RAPH1: variants seen among roughly 807,000 people sequenced by gnomAD.
The protein encoded by RAPH1 is Ras association (RalGDS/AF-6) and pleckstrin homology domains 1.
A neutral mutation model predicts 88.1 loss-of-function variants in RAPH1; 18 were observed. The ratio of observed to expected loss-of-function variants is 0.20; its 90% CI spans 0.14 to 0.30. The LOEUF is 0.30. Ranked by LOEUF, RAPH1 falls within the 10% of genes least tolerant of loss-of-function variation. The pLI, the probability that RAPH1 is intolerant of heterozygous loss-of-function variation, is 1.00. For synonymous variants in RAPH1, 587 were observed against 559.0 expected, an observed-to-expected ratio of 1.05 and a Z score of -0.71; for missense variants, 1,448 against 1,543.2, an observed-to-expected ratio of 0.94 and a Z score of 1.03.
chr2:203,458,162 A>T (rs543353591), intron 7 of RAPH1, among the ~76,000 whole-genome samples: 13 of 152,082 alleles, frequency 8.5e-5, no homozygotes, highest in Non-Finnish European at 1.3e-4. Flanking sequence ...ACGAGGTCAG[A>T]AGTTCAAGAC....
At chr2:203,492,482 C>G (rs192026630) in intron 2 of RAPH1, among the ~76,000 whole-genome samples, 2 of 152,226 alleles carry the variant, frequency 1.3e-5, no homozygotes, top group African/African-American at 4.8e-5. Context: ...AATTGCAACC[C>G]AGCTACACTG....
chr2:203,451,510 C>T (rs530074145), intron 10 of RAPH1, among the ~76,000 whole-genome samples: 1 of 152,150 alleles, frequency 6.6e-6, no homozygotes, highest in African/African-American at 2.4e-5. Flanking sequence ...CTCCTTTTTT[C>T]CCCACAATAT....
intron 1 of RAPH1, among the ~76,000 whole-genome samples, chr2:203,522,301 A>G (rs1270232588): frequency 6.6e-6 from 1 of 152,236 alleles, no homozygotes; most frequent in East Asian, 1.9e-4. Context: ...ATATCATAAA[A>G]ATAAAGCTAT....
At position 203,463,794 on chromosome 2, in the gene RAPH1, A is replaced by C. The variant is rs759888800; in HGVS notation, c.733-1869T>G. ...AATAAACAAATAGCAGAATTATAAA[A>C]CATGTTTACGTTTTAAGATACAAAT... is the stretch of plus-strand genomic sequence containing the variant. On this transcript the variant is annotated intron_variant, in intron 4 of 13. Transcript: ENST00000319170. Among the ~76,000 whole-genome samples, 6 of 152,358 alleles carry C rather than the reference A, an allele frequency of 3.9e-5. No homozygotes were observed. The South Asian group carries it at 6.2e-4, about 16-fold the overall frequency.
intron 1 of RAPH1, chr2:203,533,580 C>T (rs1471634589): frequency 6.6e-6 from 1 of 152,052 alleles, no homozygotes; most frequent in Non-Finnish European, 1.5e-5. Context: ...TGAAATCCTA[C>T]TCATCCTTAA....
In RAPH1 at chr2:203,461,124, T is replaced by A. The variant is rs967836866; in HGVS notation, c.970+125A>T. The A allele has an allele frequency of 1.3e-5, 5 of 383,836 alleles. No individual in the cohort carries two copies. In the Admixed American group the frequency reaches 1.5e-4, roughly 12 times the overall value. 23.8% of individuals were successfully genotyped at this position (383,836 alleles called of 1,614,324 possible). A position where few individuals can be genotyped will look rare whatever the true frequency, so the allele number is the denominator to read the frequency against. ...GAGCGAGACTCCATCCCCCAAAAAA[T>A]TAAAATAAAATAAAATAAAAACATA... On this transcript the variant is annotated intron_variant, in intron 6 of 13. Transcript: ENST00000319170.
At position 203,439,924 on chromosome 2, in the gene RAPH1, A is replaced by AGT; in HGVS notation, c.3265_3266insAC (p.Ile1089AsnfsTer29). 3 of 1,613,878 alleles carry AGT rather than the reference A, an allele frequency of 1.9e-6. No homozygotes were observed. Among genetic ancestry groups the AGT allele is most frequent in the Non-Finnish European group, 2.5e-6 (3 of 1,179,982 alleles). ...GGTGTTTCCCGAGAAAACTGCTGGAATCTCAATGGGGGGCAGAGGAAGCTC... is the reference window on the plus strand; with the variant it reads ...GGTGTTTCCCGAGAAAACTGCTGGAAGTTCTCAATGGGGGGCAGAGGAAGCTC... On this transcript the variant is annotated frameshift_variant, in exon 14 of 14. Transcript: ENST00000319170. LOFTEE classifies it high-confidence loss of function.
At chr2:203,459,475 CA>C (rs974087662) in intron 7 of RAPH1, among the ~76,000 whole-genome samples, 3 of 152,136 alleles carry the variant, frequency 2.0e-5, no homozygotes, top group Admixed American at 6.5e-5. Flanking sequence ...CATTTGTAAT[CA>C]AGGTTACTGG....
chr2:203,461,300 C>T lies in RAPH1; in HGVS notation c.919G>A (p.Gly307Ser), dbSNP rs140000315. 1.8e-4 allele frequency: 294 copies of T among 1,608,496 alleles called. 2 individuals are homozygous for T. In the East Asian group the frequency reaches 5.7e-3, roughly 31 times the overall value. The part of the protein sequence containing the change: ...LDNLMDKSHC[G>S]YSLDWSLVET... ...ACCAGTGACCAGTCTAAACTATAAC[C>T]GCAGTGGGATTTGTCCATCAGGTTA... The change falls in exon 6 of 14, where the codon GGT (glycine) becomes AGT (serine). Residue 307 changes from glycine (G) to serine (S), a missense_variant. This residue lies in a region of RAPH1 where 513 missense variants were observed against 653.1 expected (regional missense o/e 0.79). Coordinates refer to ENST00000319170, the MANE Select transcript of RAPH1 (RefSeq NM_213589.3).
intron 8 of RAPH1, among the ~76,000 whole-genome samples, chr2:203,456,525 T>C (rs2153639564): frequency 6.6e-6 from 1 of 152,272 alleles, no homozygotes; most frequent in South Asian, 2.1e-4. Flanking sequence ...GATAAAAATC[T>C]AATATTAAAG....
At chr2:203,472,957 A>C (rs2098534413) in intron 4 of RAPH1, among the ~76,000 whole-genome samples, 1 of 152,252 alleles carries the variant, frequency 6.6e-6, no homozygotes. Context: ...AAATAGCTTA[A>C]AATAAAAAGA....
At chr2:203,495,927 C>T (rs749727163) in intron 1 of RAPH1, among the ~76,000 whole-genome samples, 1 of 152,236 alleles carries the variant, frequency 6.6e-6, no homozygotes, top group African/African-American at 2.4e-5. Context: ...CTCTACCTTA[C>T]TTCCTCATCA....
intron 1 of RAPH1, among the ~76,000 whole-genome samples, chr2:203,524,294 T>C (rs1690022098): frequency 6.6e-6 from 1 of 152,166 alleles, no homozygotes; most frequent in African/African-American, 2.4e-5. Context: ...TACCAAGTCT[T>C]AGGATATACA....
At chr2:203,464,636 A>G (rs1231534792) in intron 4 of RAPH1, among the ~76,000 whole-genome samples, 2 of 152,210 alleles carry the variant, frequency 1.3e-5, no homozygotes, top group Non-Finnish European at 2.9e-5. Context: ...TAACATTTTA[A>G]AAGTTTACAA....
At chr2:203,494,453 ACT>A (rs1559485741) in intron 2 of RAPH1, among the ~76,000 whole-genome samples, 1 of 152,178 alleles carries the variant, frequency 6.6e-6, no homozygotes, top group Non-Finnish European at 1.5e-5. Context: ...AGATTTTGCC[ACT>A]GTTTTAAAAT....
At chr2:203,526,262 A>G (rs888747936) in intron 1 of RAPH1, among the ~76,000 whole-genome samples, 1 of 152,196 alleles carries the variant, frequency 6.6e-6, no homozygotes, top group Non-Finnish European at 1.5e-5. Context: ...TTGAAAAATT[A>G]TAGGTATATA....
intron 1 of RAPH1, among the ~76,000 whole-genome samples, chr2:203,511,840 G>A (rs556017455): frequency 2.4e-4 from 36 of 152,232 alleles, no homozygotes; most frequent in Admixed American, 6.5e-4. Context: ...GGCCAGGCAC[G>A]GTGGCTCATG....
intron 1 of RAPH1, among the ~76,000 whole-genome samples, chr2:203,527,298 G>A (rs1690165054): frequency 3.3e-5 from 5 of 152,074 alleles, no homozygotes. Flanking sequence ...GTGGCCACCT[G>A]TCAGAGAATC....
At chr2:203,450,318 T>G (rs943165298) in intron 10 of RAPH1, among the ~76,000 whole-genome samples, 1 of 152,224 alleles carries the variant, frequency 6.6e-6, no homozygotes, top group Non-Finnish European at 1.5e-5. Flanking sequence ...AAACCAATTT[T>G]CTTGTTGAAG....
Sources: gnomAD v4.1 joint callset for allele counts (sites outside exome capture counted in the v4.1 genomes callset) on GRCh38, gnomAD v4.1.1 for gene constraint, gnomAD v4.1.1 regional missense constraint, MANE v1.5 for transcripts, NCBI Gene and HGNC (gene_info 2026-07-23, HGNC 2026-07-21) for gene names.